Variants in CDK14 observed in about 807,000 individuals in gnomAD.
CDK14 encodes cyclin dependent kinase 14, also known as cyclin-dependent kinase 14.
A neutral mutation model predicts 60.7 loss-of-function variants in CDK14; 34 were observed. That is an observed-to-expected ratio of 0.56 (90% CI 0.43 to 0.75). CDK14 has a LOEUF of 0.75. Among genes scored for constraint, CDK14 ranks in the 30% least tolerant of loss-of-function variants. The pLI, the probability that CDK14 is intolerant of heterozygous loss-of-function variation, is 0.00. For missense variants in CDK14, 482 were observed against 564.1 expected (o/e 0.85, Z 1.47); for synonymous variants, 197 against 203.7 (o/e 0.97, Z 0.28).
intron 12 of CDK14, among the ~76,000 whole-genome samples, chr7:91,111,668 T>C (rs1156296528): frequency 6.6e-6 from 1 of 152,208 alleles, no homozygotes; most frequent in Non-Finnish European, 1.5e-5. Flanking sequence ...CTTCTCAGAC[T>C]ATAATAAATA....
At position 90,762,934 on chromosome 7, in the gene CDK14, G is replaced by A. The variant is rs139490653; in HGVS notation, c.464+15159G>A. Reference sequence around the variant, plus strand: ...AACCCGGAGGCAGAGGTTGCAGTGAGTACCACTGCACTCCAGCCTGGGCAA... The same window carrying A: ...AACCCGGAGGCAGAGGTTGCAGTGAATACCACTGCACTCCAGCCTGGGCAA... On this transcript the variant is annotated intron_variant, in intron 4 of 14. Coordinates refer to ENST00000380050, the MANE Select transcript of CDK14 (RefSeq NM_001287135.2). Among the ~76,000 whole-genome samples, 1,060 of 152,218 alleles carry A rather than the reference G, an allele frequency of 7.0e-3. 11 individuals carry two copies. The highest frequency in any genetic ancestry group is 0.012 in the South Asian group (58 of 4,824).
intron 14 of CDK14, among the ~76,000 whole-genome samples, chr7:91,188,282 T>G (rs1437469471): frequency 6.6e-6 from 1 of 152,206 alleles, no homozygotes; most frequent in Non-Finnish European, 1.5e-5. Context: ...ATATGTTAAC[T>G]CATACCCTTT....
At chr7:91,116,395 A>G (rs537635228) in intron 13 of CDK14, among the ~76,000 whole-genome samples, 1 of 152,282 alleles carries the variant, frequency 6.6e-6, no homozygotes, top group South Asian at 2.1e-4. Context: ...GGAACTTTGG[A>G]CAAGTGCCTT....
intron 14 of CDK14, among the ~76,000 whole-genome samples, chr7:91,163,139 T>C (rs938588233): frequency 6.6e-5 from 10 of 152,224 alleles, no homozygotes; most frequent in African/African-American, 2.4e-4. Context: ...TATTAGATTG[T>C]ATTAAATGTG....
chr7:90,904,174 G>A (rs1213814678), intron 7 of CDK14, among the ~76,000 whole-genome samples: 1 of 152,080 alleles, frequency 6.6e-6, no homozygotes, highest in Non-Finnish European at 1.5e-5. Flanking sequence ...GGCATGGAGA[G>A]CTTTAGACAG....
intron 14 of CDK14, among the ~76,000 whole-genome samples, chr7:91,122,496 G>A (rs771261382): frequency 2.5e-4 from 38 of 152,080 alleles, no homozygotes; most frequent in African/African-American, 8.9e-4. Context: ...GTTCTTACTC[G>A]GTAGGCCACC....
intron 14 of CDK14, among the ~76,000 whole-genome samples, chr7:91,197,771 GT>G (rs1309080009): frequency 1.3e-5 from 2 of 152,200 alleles, no homozygotes; most frequent in Admixed American, 1.3e-4. Context: ...CGTTAATTAT[GT>G]CTTTGACAGC....
intron 5 of CDK14, among the ~76,000 whole-genome samples, chr7:90,835,386 AAG>A (rs1222658727): frequency 6.6e-6 from 1 of 152,124 alleles, no homozygotes. Flanking sequence ...TCCTAGCAGA[AAG>A]AGAGGAAGAC....
intron 11 of CDK14, among the ~76,000 whole-genome samples, chr7:91,066,032 C>T (rs2116152032): frequency 6.6e-6 from 1 of 152,250 alleles, no homozygotes; most frequent in East Asian, 1.9e-4. Flanking sequence ...ATGAAGCGCC[C>T]TTCAGTGTGG....
chr7:91,175,787 A>G (rs1030347053), intron 14 of CDK14, among the ~76,000 whole-genome samples: 2 of 147,186 alleles, frequency 1.4e-5, no homozygotes, highest in African/African-American at 5.0e-5. Context: ...CACCCAATAC[A>G]GGAGCACCCA....
chr7:91,043,729 T>G (rs770545701), intron 10 of CDK14, among the ~76,000 whole-genome samples: 5 of 152,198 alleles, frequency 3.3e-5, no homozygotes, highest in Admixed American at 6.5e-5. Flanking sequence ...ATGTTAGTAT[T>G]AATTAGTGCT....
At chr7:91,110,955 A>G (rs1799452382) in intron 12 of CDK14, among the ~76,000 whole-genome samples, 1 of 152,220 alleles carries the variant, frequency 6.6e-6, no homozygotes, top group Admixed American at 6.5e-5. Flanking sequence ...GGAAGGAATA[A>G]TATGAATGGC....
chr7:91,116,319 G>GA (rs1799610056), intron 13 of CDK14, among the ~76,000 whole-genome samples: 1 of 152,178 alleles, frequency 6.6e-6, no homozygotes, highest in African/African-American at 2.4e-5. Context: ...GGTACAGTGT[G>GA]AAGAGCACTG....
intron 2 of CDK14, among the ~76,000 whole-genome samples, chr7:90,620,412 G>A (rs142613022): frequency 3.3e-5 from 5 of 152,282 alleles, no homozygotes; most frequent in Non-Finnish European, 5.9e-5. Flanking sequence ...AGACGGCGGT[G>A]AGTGACGCTT....
chr7:91,156,156 G>T (rs1026644451), intron 14 of CDK14, among the ~76,000 whole-genome samples: 2 of 152,048 alleles, frequency 1.3e-5, no homozygotes, highest in East Asian at 3.9e-4. Context: ...TTAACTAGTT[G>T]CCCACTACTG....
chr7:91,193,324 G>T (rs1802434000), intron 14 of CDK14, among the ~76,000 whole-genome samples: 1 of 152,126 alleles, frequency 6.6e-6, no homozygotes, highest in African/African-American at 2.4e-5. Context: ...TTAAATATAT[G>T]CAGTTTTCTG....
chr7:90,703,757 C>A (rs1801838272), intron 2 of CDK14, among the ~76,000 whole-genome samples: 1 of 152,130 alleles, frequency 6.6e-6, no homozygotes, highest in South Asian at 2.1e-4. Context: ...CCAGGAAACA[C>A]AACATGTAGG....
At chr7:90,814,287 A>T (rs1789258328) in intron 5 of CDK14, among the ~76,000 whole-genome samples, 1 of 152,196 alleles carries the variant, frequency 6.6e-6, no homozygotes, top group African/African-American at 2.4e-5. Context: ...AAGTACTCTT[A>T]CAGTCGGAAG....
chr7:91,169,534 G>T (rs1584157878), intron 14 of CDK14, among the ~76,000 whole-genome samples: 1 of 152,152 alleles, frequency 6.6e-6, no homozygotes, highest in Non-Finnish European at 1.5e-5. Context: ...CCCAAAGCGG[G>T]CCAAGTACCC....
Sources: allele counts gnomAD v4.1 joint callset (sites outside exome capture counted in the v4.1 genomes callset), GRCh38; gene constraint gnomAD v4.1.1; transcripts MANE v1.5; gene names NCBI Gene and HGNC (gene_info 2026-07-23, HGNC 2026-07-21).